Variants in TENM1 observed in about 807,000 individuals in gnomAD.
TENM1 encodes the protein teneurin-1.
TENM1 carries 35 observed loss-of-function variants against 174.8 expected under a neutral mutation model. The observed-to-expected ratio is 0.20, with a 90% CI of 0.15 to 0.27. The LOEUF (loss-of-function observed/expected upper bound fraction) is 0.27, where lower values mean the gene tolerates loss of function less well. Ranked by LOEUF, TENM1 falls within the 10% of genes least tolerant of loss-of-function variation. The probability of loss-of-function intolerance (pLI) is 1.00; values close to 1 mark genes in which losing one functional copy is unlikely to be tolerated. For missense variants in TENM1, 1,633 were observed against 2,130.1 expected, an observed-to-expected ratio of 0.77 and a Z score of 4.59; for synonymous variants, 781 against 798.7, an observed-to-expected ratio of 0.98 and a Z score of 0.37.
intron 4 of TENM1, among the ~76,000 whole-genome samples, chrX:124,731,860 G>A (rs762575659): frequency 1.1e-4 from 12 of 111,824 alleles, no homozygotes; most frequent in Non-Finnish European, 2.1e-4. Context: ...GAACAAGATG[G>A]AGAAATGTGG....
intron 18 of TENM1, among the ~76,000 whole-genome samples, chrX:124,509,976 G>T (rs906330019): frequency 9.0e-6 from 1 of 111,606 alleles, no homozygotes; most frequent in African/African-American, 3.3e-5. Context: ...CACCCGCCTT[G>T]GCCTCCCAGA....
At chrX:125,114,260 C>A in the TENM1 span, among the ~76,000 whole-genome samples, 4 of 111,463 alleles carry the variant, frequency 3.6e-5, no homozygotes, top group Non-Finnish European at 7.5e-5. Flanking sequence ...ACAGCTAAAG[C>A]AGTGTTTAGA....
At chrX:124,698,973 A>G (rs2052713269) in intron 5 of TENM1, among the ~76,000 whole-genome samples, 1 of 111,381 alleles carries the variant, frequency 9.0e-6, no homozygotes, top group Non-Finnish European at 1.9e-5. Flanking sequence ...ATTTAGTCAT[A>G]TTTCTGAAGT....
the TENM1 span, among the ~76,000 whole-genome samples, chrX:125,098,898 T>C: frequency 8.9e-6 from 1 of 112,342 alleles, no homozygotes; most frequent in East Asian, 2.8e-4. Flanking sequence ...CGGTACTATA[T>C]TGGTTTACAA....
intron 15 of TENM1, among the ~76,000 whole-genome samples, chrX:124,532,783 T>C (rs1464571869): frequency 3.6e-5 from 4 of 112,024 alleles, no homozygotes; most frequent in Non-Finnish European, 5.6e-5. Context: ...CTTTGTAATG[T>C]ATTAGACTTT....
At chrX:124,506,656 G>A (rs759584516) in intron 18 of TENM1, among the ~76,000 whole-genome samples, 15 of 111,114 alleles carry the variant, frequency 1.3e-4, no homozygotes, top group Non-Finnish European at 2.6e-4. Context: ...TTTCGTATGT[G>A]GCTCCTTGCT....
In TENM1 at chrX:124,645,354, G is replaced by A; in HGVS notation, c.1682-17C>T. The A allele has an allele frequency of 8.4e-7, 1 of 1,194,606 alleles. No homozygotes were observed. The highest frequency in any genetic ancestry group is 1.1e-6 in the Non-Finnish European group (1 of 883,662). On this transcript the variant is annotated splice_polypyrimidine_tract_variant and intron_variant, in intron 9 of 31. Coordinates refer to ENST00000422452, the Ensembl canonical transcript of TENM1. ...GGCAGGAATCTGAAGGTTGGCAAAT[G>A]AACTTGTAATGTTCTCATAATGCTT...
chrX:124,857,665 A>G (rs1283276619), intron 3 of TENM1, among the ~76,000 whole-genome samples: 1 of 110,932 alleles, frequency 9.0e-6, no homozygotes, highest in African/African-American at 3.3e-5. Flanking sequence ...GATTGTGGTG[A>G]TAGTTGCACC....
chrX:124,783,896 G>A (rs981877461), intron 3 of TENM1, among the ~76,000 whole-genome samples: 2 of 111,407 alleles, frequency 1.8e-5, no homozygotes, highest in African/African-American at 3.3e-5. Flanking sequence ...GAGAGAGAAT[G>A]CACCCCATAT....
At chrX:124,736,366 T>A (rs1258576740) in intron 4 of TENM1, among the ~76,000 whole-genome samples, 1 of 111,511 alleles carries the variant, frequency 9.0e-6, no homozygotes, top group Admixed American at 9.5e-5. Context: ...AATCTAGAAA[T>A]CTAAACATGT....
At chrX:124,660,175 C>T (rs1184847676) in intron 6 of TENM1, among the ~76,000 whole-genome samples, 4 of 110,415 alleles carry the variant, frequency 3.6e-5, no homozygotes, top group Non-Finnish European at 7.6e-5. Context: ...GAGATTGAGA[C>T]CATCCTGGCT....
intron 3 of TENM1, among the ~76,000 whole-genome samples, chrX:124,885,837 C>T (rs1286249467): frequency 9.0e-6 from 1 of 111,115 alleles, no homozygotes; most frequent in Non-Finnish European, 1.9e-5. Context: ...TCAATTATTT[C>T]AAAAAATGAT....
chrX:124,804,083 G>A (rs2147245031), intron 3 of TENM1, among the ~76,000 whole-genome samples: 1 of 111,706 alleles, frequency 9.0e-6, no homozygotes. Context: ...AACAACACCT[G>A]GCCCCAGCTG....
intron 5 of TENM1, among the ~76,000 whole-genome samples, chrX:124,681,988 G>A (rs2052246693): frequency 8.9e-6 from 1 of 111,754 alleles, no homozygotes; most frequent in Non-Finnish European, 1.9e-5. Context: ...GTGTAGTTGT[G>A]ATTCTCTGAA....
In TENM1 at chrX:124,546,698, A is replaced by T. The variant is rs146706967; in HGVS notation, c.2651+176T>A. ...AATTTTATGATACAGAATCTCTAGA[A>T]ATGAGTTTTTTCCTTAATCAGTAAG... On this transcript the variant is annotated intron_variant, in intron 15 of 31. Transcript: ENST00000422452. Among the ~76,000 whole-genome samples the T allele has an allele frequency of 9.6e-3, 1,075 of 111,691 alleles. 28 individuals are homozygous for T. The highest frequency in any genetic ancestry group is 0.08 in the Admixed American group (833 of 10,426).
chrX:124,926,777 T>A (rs892068736), intron 1 of TENM1, among the ~76,000 whole-genome samples: 6 of 112,306 alleles, frequency 5.3e-5, no homozygotes, highest in Non-Finnish European at 9.4e-5. Context: ...TGAATTCACA[T>A]CAAGTTATTT....
At chrX:124,653,865 T>C in intron 6 of TENM1, 82 bp from the exon 10 acceptor site, 2 of 833,100 alleles carry the variant, frequency 2.4e-6, no homozygotes, top group Non-Finnish European at 3.4e-6. Flanking sequence ...CAAGAACAGA[T>C]ATATCAAAAT....
At chrX:124,622,675 C>A (rs543673634) in intron 11 of TENM1, among the ~76,000 whole-genome samples, 1 of 110,085 alleles carries the variant, frequency 9.1e-6, no homozygotes, top group African/African-American at 3.3e-5. Flanking sequence ...TTTCAAGTTA[C>A]AGTTTCGGAT....
chrX:124,610,719 T>C (rs2148304159), intron 11 of TENM1, among the ~76,000 whole-genome samples: 1 of 111,649 alleles, frequency 9.0e-6, no homozygotes, highest in East Asian at 2.8e-4. Flanking sequence ...TATTTAGATC[T>C]TTGTCCTCCC....
Sources: gnomAD v4.1 joint callset for allele counts (sites outside exome capture counted in the v4.1 genomes callset) on GRCh38, gnomAD v4.1.1 for gene constraint, MANE v1.5 for transcripts, NCBI Gene and HGNC (gene_info 2026-07-23, HGNC 2026-07-21) for gene names.